Variants in IQSEC1 observed in about 807,000 individuals in gnomAD.
IQSEC1 encodes the protein IQ motif and SEC7 domain-containing protein 1.
In IQSEC1, 31 loss-of-function variants were observed where a neutral mutation model predicts 91.0. The observed-to-expected ratio is 0.34, with a 90% CI of 0.26 to 0.46. The LOEUF (loss-of-function observed/expected upper bound fraction) is 0.46. IQSEC1 is among the 20% of genes least tolerant of loss of function. The pLI, the probability that IQSEC1 is intolerant of heterozygous loss-of-function variation, is 1.00. For synonymous variants in IQSEC1, 699 were observed against 662.6 expected, an observed-to-expected ratio of 1.05 and a Z score of -0.84; for missense variants, 1,388 against 1,575.6, an observed-to-expected ratio of 0.88 and a Z score of 2.02.
intron 1 of IQSEC1, among the ~76,000 whole-genome samples, chr3:13,276,819 G>A (rs965886380): frequency 4.6e-5 from 7 of 152,154 alleles, no homozygotes; most frequent in African/African-American, 1.7e-4. Flanking sequence ...AAACTCCCAA[G>A]GCCTTGCTAC....
intron 1 of IQSEC1, among the ~76,000 whole-genome samples, chr3:13,019,642 G>C (rs1034044687): frequency 6.6e-6 from 1 of 152,200 alleles, no homozygotes; most frequent in Non-Finnish European, 1.5e-5. Context: ...AGGGCAGAGT[G>C]CTTCTCTTGG....
At chr3:13,063,066 T>C (rs1705123574) in intron 1 of IQSEC1, among the ~76,000 whole-genome samples, 1 of 152,200 alleles carries the variant, frequency 6.6e-6, no homozygotes, top group Non-Finnish European at 1.5e-5. Context: ...CCCAAGCTCA[T>C]GCTCAGGAAA....
intron 2 of IQSEC1, among the ~76,000 whole-genome samples, chr3:13,120,007 T>G (rs889858165): frequency 6.6e-6 from 1 of 152,240 alleles, no homozygotes; most frequent in Non-Finnish European, 1.5e-5. Flanking sequence ...GAGAGCTCTC[T>G]GCTCGCCTGG....
chr3:13,218,692 G>A (rs529850812), intron 1 of IQSEC1, among the ~76,000 whole-genome samples: 12 of 152,236 alleles, frequency 7.9e-5, no homozygotes, highest in Non-Finnish European at 1.6e-4. Context: ...GCCCAGAGGT[G>A]TCTGTCGGGG....
chr3:13,191,762 T>G lies in IQSEC1; in HGVS notation c.273-27629A>C, dbSNP rs115296372. Reference sequence around the variant, plus strand: ...TAGCTTTAAAGCTACTATGTCCTCTTTGATAATTTCCTTCGCTTGACCATC... The same window carrying G: ...TAGCTTTAAAGCTACTATGTCCTCTGTGATAATTTCCTTCGCTTGACCATC... On this transcript the variant is annotated intron_variant, in intron 1 of 15. Coordinates refer to the IQSEC1 transcript ENST00000648114. Among the ~76,000 whole-genome samples the G allele has an allele frequency of 8.9e-3, 1,357 of 152,352 alleles. 27 individuals carry two copies. Among genetic ancestry groups the G allele is most frequent in the African/African-American group, 0.032 (1,314 of 41,578 alleles).
intron 1 of IQSEC1, among the ~76,000 whole-genome samples, chr3:12,959,710 G>C (rs974857503): frequency 2.0e-5 from 3 of 152,168 alleles, no homozygotes; most frequent in Non-Finnish European, 4.4e-5. Context: ...CATGAGACAG[G>C]TCCTTGATAT....
Position 12,936,481 on chromosome 3 carries a change from C to A in IQSEC1, c.535G>T (p.Glu179Ter). Residue 179 changes from glutamate to a stop codon, truncating the protein, a stop_gained, in exon 3 of 14, where the codon GAG (glutamate) becomes TAG (stop). Coordinates refer to ENST00000613206, the MANE Select transcript of IQSEC1 (RefSeq NM_001134382.3). LOFTEE classifies it high-confidence loss of function. ...GPEKVHSSYF[E>*]GKQVSVTNDG... is the part of the protein sequence containing the mutation. The stretch of plus-strand genomic sequence containing the variant: ...TTAGTCACTGAGACCTGCTTCCCCT[C>A]GAAGTAGGAGCTGTGCACTTTCTCA... The A allele has an allele frequency of 6.2e-7, 1 of 1,612,084 alleles. No homozygotes were observed. The highest frequency in any genetic ancestry group is 8.5e-7 in the Non-Finnish European group (1 of 1,178,866).
rs923249441 is a variant in IQSEC1, at chr3:12,967,961, T to A, written c.24-26096A>T. ...GGCGGGGCCGAGCCGAGGCGCGGGG[T>A]GCAGAGCGCAAGGGCGGAGTCCCAG... On this transcript the variant is annotated intron_variant, in intron 1 of 13. Transcript: ENST00000613206. This position sits in a 1 kb window ranked among gnomAD's most constrained non-coding sequence, Gnocchi z 5.9. Among the ~76,000 whole-genome samples the A allele has an allele frequency of 6.6e-6, 1 of 151,642 alleles. No individual in the cohort carries two copies. Among genetic ancestry groups the A allele is most frequent in the African/African-American group, 2.4e-5 (1 of 41,298 alleles).
intron 2 of IQSEC1, among the ~76,000 whole-genome samples, chr3:13,094,933 T>C (rs534352926): frequency 8.5e-5 from 13 of 152,194 alleles, no homozygotes; most frequent in African/African-American, 3.1e-4. Flanking sequence ...GGCCACACGC[T>C]GAGAGAGGAG....
rs1292381342 is a variant in IQSEC1, at chr3:12,900,805, C to T, written c.*178G>A. The T allele has an allele frequency of 6.8e-7, 1 of 1,461,594 alleles. No individual in the cohort carries two copies. Among genetic ancestry groups the T allele is most frequent in the African/African-American group, 1.4e-5 (1 of 70,618 alleles). The allele number at this position is 1,461,594 out of a possible 1,614,324, so 90.5% of individuals were successfully genotyped here. ...TGCCAACAAGAAATGAAATCTGGGCCTTTGTTCCACACAACACCAGCCCTG... is the reference window on the plus strand; with the variant it reads ...TGCCAACAAGAAATGAAATCTGGGCTTTTGTTCCACACAACACCAGCCCTG... On this transcript the variant is annotated 3_prime_UTR_variant, in exon 14 of 14. Transcript: ENST00000613206.
chr3:13,274,051 GA>G (rs1695633940), intron 1 of IQSEC1, among the ~76,000 whole-genome samples: 1 of 152,230 alleles, frequency 6.6e-6, no homozygotes, highest in Admixed American at 6.5e-5. Context: ...CCGAGGGGGA[GA>G]AAGTACAAGC....
intron 1 of IQSEC1, among the ~76,000 whole-genome samples, chr3:13,036,927 T>C (rs568703289): frequency 6.6e-6 from 1 of 152,138 alleles, no homozygotes; most frequent in Non-Finnish European, 1.5e-5. Context: ...GAAGGTGAGG[T>C]TGCAAAGTCA....
In IQSEC1 at chr3:12,900,469, T is replaced by TA. The variant is rs1694132981; in HGVS notation, c.*513_*514insT. ...CTATACAGTATATATATATATATAT[T>TA]TATATATTTATATATTTATATAAAG... On this transcript the variant is annotated 3_prime_UTR_variant, in exon 14 of 14. Transcript: ENST00000613206. 1.0e-4 allele frequency: 61 copies of TA among 600,750 alleles called. No homozygotes were observed. The highest frequency in any genetic ancestry group is 1.2e-4 in the Non-Finnish European group (58 of 481,532). The allele number at this position is 600,750 out of a possible 1,614,324, so 37.2% of individuals were successfully genotyped here. A position where few individuals can be genotyped will look rare whatever the true frequency, so the allele number is the denominator to read the frequency against.
At chr3:13,180,320 A>G (rs1429343865) in intron 1 of IQSEC1, among the ~76,000 whole-genome samples, 38 of 151,186 alleles carry the variant, frequency 2.5e-4, no homozygotes, top group South Asian at 4.2e-4. Flanking sequence ...GAATGCACCA[A>G]TGGACACTCT....
chr3:13,238,585 C>A (rs1162724606), intron 1 of IQSEC1, among the ~76,000 whole-genome samples: 1 of 152,212 alleles, frequency 6.6e-6, no homozygotes, highest in East Asian at 1.9e-4. Context: ...ACGTCTTGTC[C>A]CCACCACATT....
intron 2 of IQSEC1, among the ~76,000 whole-genome samples, chr3:13,110,676 G>A (rs7619926): frequency 0.45 from 69,116 of 151,930 alleles, 16,330 homozygotes; most frequent in South Asian, 0.66. Flanking sequence ...TCTCACTCTG[G>A]CCTTCTTGAA....
chr3:13,125,152 A>G (rs1706492448), intron 2 of IQSEC1, among the ~76,000 whole-genome samples: 1 of 152,148 alleles, frequency 6.6e-6, no homozygotes, highest in Non-Finnish European at 1.5e-5. Context: ...CTGAATCCTT[A>G]TAACATCATC....
chr3:13,219,512 C>T (rs1462593479), intron 1 of IQSEC1, among the ~76,000 whole-genome samples: 2 of 152,232 alleles, frequency 1.3e-5, no homozygotes, highest in Admixed American at 6.5e-5. Flanking sequence ...GCACATGAAG[C>T]AGACGCACCT....
At chr3:13,014,968 C>T (rs2124934784) in intron 1 of IQSEC1, among the ~76,000 whole-genome samples, 1 of 152,320 alleles carries the variant, frequency 6.6e-6, no homozygotes, top group African/African-American at 2.4e-5. Flanking sequence ...TTCTGCAAGG[C>T]AGTGTCTCCT....
Sources: allele counts gnomAD v4.1 joint callset (sites outside exome capture counted in the v4.1 genomes callset), GRCh38; gene constraint gnomAD v4.1.1; non-coding constraint Gnocchi (gnomAD v3.1); transcripts MANE v1.5; gene names NCBI Gene and HGNC (gene_info 2026-07-23, HGNC 2026-07-21).